The following ANO2 variants were observed in gnomAD, a reference collection of about 807,000 sequenced individuals.
ANO2 encodes the protein anoctamin-2.
A neutral mutation model predicts 124.2 loss-of-function variants in ANO2; 101 were observed. The ratio of observed to expected loss-of-function variants is 0.81; its 90% CI spans 0.69 to 0.96. ANO2 has a LOEUF of 0.96. ANO2 is among the 40% of genes least tolerant of loss of function. The pLI is 0.00. For synonymous variants in ANO2, 486 were observed against 482.5 expected (o/e 1.01, Z -0.09); for missense variants, 1,293 against 1,274.5 (o/e 1.01, Z -0.22).
chr12:5,781,270 C>G (rs10849338), intron 10 of ANO2, among the ~76,000 whole-genome samples: 28,634 of 152,198 alleles, frequency 0.19, 3,187 homozygotes, highest in Middle Eastern at 0.24. Flanking sequence ...TTGGAGAAAT[C>G]AGACGCATTC....
intron 16 of ANO2, among the ~76,000 whole-genome samples, chr12:5,629,657 G>A (rs1204426289): frequency 6.6e-6 from 1 of 152,176 alleles, no homozygotes; most frequent in African/African-American, 2.4e-5. Flanking sequence ...CCCTCCTGGA[G>A]TGAATGGATC....
chr12:5,894,940 G>A (rs1211875044), intron 3 of ANO2, among the ~76,000 whole-genome samples: 1 of 152,120 alleles, frequency 6.6e-6, no homozygotes, highest in Non-Finnish European at 1.5e-5. Context: ...CTCTAGCTTT[G>A]TTCTTTTTGT....
intron 14 of ANO2, among the ~76,000 whole-genome samples, chr12:5,718,778 C>T (rs1235537806): frequency 6.6e-6 from 1 of 152,072 alleles, no homozygotes; most frequent in African/African-American, 2.4e-5. Flanking sequence ...CCAGAGCTTC[C>T]CTCTCCTCTC....
intron 9 of ANO2, among the ~76,000 whole-genome samples, chr12:5,800,498 T>C (rs1953005838): frequency 6.6e-6 from 1 of 152,190 alleles, no homozygotes; most frequent in Admixed American, 6.5e-5. Context: ...GTTACTGGAA[T>C]GGTCCAGGGA....
intron 14 of ANO2, among the ~76,000 whole-genome samples, chr12:5,709,946 A>T (rs866933123): frequency 3.9e-5 from 6 of 152,152 alleles, no homozygotes; most frequent in African/African-American, 1.4e-4. Flanking sequence ...GTGAAAATGG[A>T]GTGAGAGGGC....
chr12:5,751,151 G>A (rs1196740112), intron 10 of ANO2, among the ~76,000 whole-genome samples, 181 bp from the exon 11 acceptor site: 1 of 152,172 alleles, frequency 6.6e-6, no homozygotes, highest in Non-Finnish European at 1.5e-5. Context: ...CAACAACTGA[G>A]CTTTTCTGGA....
chr12:5,718,018 T>C (rs73048219), intron 14 of ANO2, among the ~76,000 whole-genome samples: 1 of 152,190 alleles, frequency 6.6e-6, no homozygotes, highest in Non-Finnish European at 1.5e-5. Context: ...ACTAAACACA[T>C]GGAAGTCCGG....
At chr12:5,851,874 C>T (rs771636417) in intron 4 of ANO2, 6 of 707,250 alleles carry the variant, frequency 8.5e-6, no homozygotes, top group Non-Finnish European at 1.5e-5. Context: ...AAAGGACACA[C>T]TTTTCCTGTG....
At chr12:5,605,407 C>T (rs1371197148) in intron 19 of ANO2, among the ~76,000 whole-genome samples, 4 of 152,134 alleles carry the variant, frequency 2.6e-5, no homozygotes, top group African/African-American at 9.7e-5. Context: ...TCCAGGGGTA[C>T]ATTTAACAGC....
chr12:5,847,785 G>A (rs181994038), intron 4 of ANO2, among the ~76,000 whole-genome samples: 1 of 152,136 alleles, frequency 6.6e-6, no homozygotes, highest in Non-Finnish European at 1.5e-5. Context: ...TTTCTAACTG[G>A]AATTCTATCA....
At chr12:5,930,473 G>A (rs373266464) in intron 1 of ANO2, among the ~76,000 whole-genome samples, 1 of 152,126 alleles carries the variant, frequency 6.6e-6, no homozygotes, top group African/African-American at 2.4e-5. Flanking sequence ...ACTCGATCAG[G>A]AAAGACCCTG....
At chr12:5,760,387 T>C (rs749397824) in intron 10 of ANO2, among the ~76,000 whole-genome samples, 4 of 152,220 alleles carry the variant, frequency 2.6e-5, no homozygotes, top group Admixed American at 6.5e-5. Flanking sequence ...ATGAGAGCTC[T>C]GTCCACCTTA....
At chr12:5,626,084 T>C (rs908570719) in intron 16 of ANO2, among the ~76,000 whole-genome samples, 11 of 152,128 alleles carry the variant, frequency 7.2e-5, no homozygotes, top group African/African-American at 2.7e-4. Context: ...TGTTAGCAAG[T>C]TAGCTAAAAA....
At chr12:5,722,653 T>C (rs992529016) in intron 14 of ANO2, among the ~76,000 whole-genome samples, 3 of 152,230 alleles carry the variant, frequency 2.0e-5, no homozygotes, top group African/African-American at 7.2e-5. Flanking sequence ...GAGTTTCCTA[T>C]GGCACCCTGG....
intron 3 of ANO2, among the ~76,000 whole-genome samples, chr12:5,867,318 A>G (rs1955452415): frequency 6.6e-6 from 1 of 152,214 alleles, no homozygotes; most frequent in Non-Finnish European, 1.5e-5. Flanking sequence ...TTGGGCTCCA[A>G]GTGGTTTCTG....
At chr12:5,945,431 C>A (rs1463059118), upstream of ANO2, among the ~76,000 whole-genome samples, 1 of 152,086 alleles carries the variant, frequency 6.6e-6, no homozygotes, top group Non-Finnish European at 1.5e-5. Flanking sequence ...GTGCTGGGAG[C>A]GGGGCGTCGA....
At chr12:5,778,801 G>C (rs1952303384) in intron 10 of ANO2, among the ~76,000 whole-genome samples, 2 of 152,194 alleles carry the variant, frequency 1.3e-5, no homozygotes. Context: ...TTTGAGTCCA[G>C]AGCAGTCCAA....
intron 4 of ANO2, among the ~76,000 whole-genome samples, chr12:5,844,839 G>GTGTTTGTTTGTTTGTTTGTT (rs6144597): frequency 6.6e-6 from 1 of 150,866 alleles, no homozygotes; most frequent in African/African-American, 2.4e-5. Flanking sequence ...CAGTTTTTGT[G>GTGTTTGTTTGTTTGTTTGTT]TGTTTGTTTG....
chr12:5,883,040 T>A (rs567277513), intron 3 of ANO2, among the ~76,000 whole-genome samples: 1 of 152,164 alleles, frequency 6.6e-6, no homozygotes, highest in African/African-American at 2.4e-5. Flanking sequence ...GAGCTCCTTA[T>A]CAGTAGGGAG....
Sources: gnomAD v4.1 joint callset for allele counts (sites outside exome capture counted in the v4.1 genomes callset) on GRCh38, gnomAD v4.1.1 for gene constraint, MANE v1.5 for transcripts, NCBI Gene and HGNC (gene_info 2026-07-23, HGNC 2026-07-21) for gene names.